Variants in METTL15 observed in about 807,000 individuals in gnomAD.
METTL15 encodes 12S rRNA N(4)-cytidine methyltransferase METTL15.
In METTL15, 34 loss-of-function variants were observed where a neutral mutation model predicts 38.3. The observed-to-expected ratio is 0.89, with a 90% CI of 0.68 to 1.18. The LOEUF is 1.18. METTL15 is among the 50% of genes most tolerant of loss of function. METTL15 has a pLI of 0.00. For synonymous variants in METTL15, 162 were observed against 170.9 expected (o/e 0.95, Z 0.41); for missense variants, 438 against 498.4 (o/e 0.88, Z 1.15).
chr11:28,461,073 T>G (rs1851209975), intron 6 of METTL15, among the ~76,000 whole-genome samples: 1 of 152,022 alleles, frequency 6.6e-6, no homozygotes, highest in Admixed American at 6.6e-5. Flanking sequence ...ATTTTCCTTT[T>G]TTTCCCAAGA....
rs537140954 is a variant in METTL15, at chr11:28,374,025, A to G, written c.*358+11989A>G. Among the ~76,000 whole-genome samples, 7 of 152,152 alleles carry G rather than the reference A, an allele frequency of 4.6e-5. No homozygotes were observed. The South Asian group carries it at 1.5e-3, about 32-fold the overall frequency. ...GCTCTGTTCTGTTCCATTGATCTGTATCTCTGTTTTGGTACCAGTGCCATG... is the reference window on the plus strand; with the variant it reads ...GCTCTGTTCTGTTCCATTGATCTGTGTCTCTGTTTTGGTACCAGTGCCATG... On this transcript the variant is annotated intron_variant and NMD_transcript_variant, in intron 5 of 7. Coordinates refer to the METTL15 transcript ENST00000532947.
chr11:28,227,250 G>T (rs1853519035), intron 4 of METTL15, among the ~76,000 whole-genome samples: 1 of 151,822 alleles, frequency 6.6e-6, no homozygotes, highest in South Asian at 2.1e-4. Context: ...AAGACCTATA[G>T]TCTGTGACTT....
chr11:28,183,133 C>T (rs1040234317), intron 3 of METTL15, among the ~76,000 whole-genome samples: 1 of 152,042 alleles, frequency 6.6e-6, no homozygotes, highest in African/African-American at 2.4e-5. Context: ...GCTGAAGTTG[C>T]TTATCAGTTT....
chr11:28,255,168 A>G (rs1167739812), intron 4 of METTL15, among the ~76,000 whole-genome samples: 2 of 152,098 alleles, frequency 1.3e-5, no homozygotes, highest in East Asian at 1.9e-4. Flanking sequence ...TTCTTTATAG[A>G]GATCTTTCAC....
chr11:28,398,138 G>A (rs994446270), intron 5 of METTL15, among the ~76,000 whole-genome samples: 10 of 151,142 alleles, frequency 6.6e-5, no homozygotes, highest in African/African-American at 2.2e-4. Context: ...ACCTAATTGT[G>A]CATCACACCA....
At position 28,390,661 on chromosome 11, in the gene METTL15, A is replaced by G. The variant is rs371355545; in HGVS notation, c.*358+28625A>G. Among the ~76,000 whole-genome samples the G allele has an allele frequency of 9.9e-5, 15 of 152,152 alleles. No individual in the cohort carries two copies. The East Asian group carries it at 1.2e-3, about 12-fold the overall frequency. ...GTAGTATAGTTTGAAGTCAGGTAGC[A>G]TGATGCCTCCAGCTTTGTTCTTGTG... On this transcript the variant is annotated intron_variant and NMD_transcript_variant, in intron 5 of 7. Coordinates refer to the METTL15 transcript ENST00000532947.
chr11:28,278,169 A>G (rs1855914227), intron 4 of METTL15, among the ~76,000 whole-genome samples: 1 of 152,028 alleles, frequency 6.6e-6, no homozygotes, highest in African/African-American at 2.4e-5. Context: ...CAAGCATTGT[A>G]TAGGCCTTAT....
chr11:28,185,302 T>C (rs1204772522), intron 3 of METTL15, among the ~76,000 whole-genome samples: 2 of 151,480 alleles, frequency 1.3e-5, no homozygotes, highest in African/African-American at 4.8e-5. Flanking sequence ...AGATTTTTTT[T>C]TAAACAATAT....
At chr11:28,298,862 AT>A (rs1219304025) in intron 6 of METTL15, among the ~76,000 whole-genome samples, 1 of 152,056 alleles carries the variant, frequency 6.6e-6, no homozygotes, top group African/African-American at 2.4e-5. Flanking sequence ...ATGTGTTTTC[AT>A]TTTGTGCTCA....
At chr11:28,468,590 T>C (rs1196181094) in intron 6 of METTL15, among the ~76,000 whole-genome samples, 3 of 152,180 alleles carry the variant, frequency 2.0e-5, no homozygotes, top group East Asian at 1.9e-4. Context: ...TTTAATAATA[T>C]ATACAGTCAT....
chr11:28,406,180 TC>T lies in METTL15; in HGVS notation c.*359-18118del, dbSNP rs200498185. Among the ~76,000 whole-genome samples the T allele has an allele frequency of 3.8e-3, 580 of 152,314 alleles. 6 individuals carry two copies. Among genetic ancestry groups the T allele is most frequent in the African/African-American group, 0.013 (540 of 41,566 alleles). On this transcript the variant is annotated intron_variant and NMD_transcript_variant, in intron 5 of 7. Transcript: ENST00000532947. ...GTAGTTTAATGGGAATAGCATTGATTCTATAAATTACTTTGGGCAGTATGGC... is the reference window on the plus strand; with the variant it reads ...GTAGTTTAATGGGAATAGCATTGATTTATAAATTACTTTGGGCAGTATGGC...
intron 6 of METTL15, among the ~76,000 whole-genome samples, chr11:28,460,225 C>A (rs901221571): frequency 3.3e-5 from 5 of 152,052 alleles, no homozygotes; most frequent in Non-Finnish European, 7.4e-5. Flanking sequence ...TATCCACAAT[C>A]CTTTATAAAT....
intron 4 of METTL15, among the ~76,000 whole-genome samples, chr11:28,227,866 A>G (rs1853544152): frequency 1.3e-5 from 2 of 151,820 alleles, no homozygotes; most frequent in Admixed American, 6.6e-5. Flanking sequence ...TTGGGCCTAG[A>G]TTTTTGTTTC....
intron 6 of METTL15, among the ~76,000 whole-genome samples, chr11:28,467,096 G>T (rs1174489486): frequency 6.6e-6 from 1 of 152,128 alleles, no homozygotes; most frequent in Non-Finnish European, 1.5e-5. Context: ...ATGATCATTA[G>T]CACAGTGTCA....
intron 4 of METTL15, among the ~76,000 whole-genome samples, chr11:28,353,402 G>A (rs1850058999): frequency 6.6e-6 from 1 of 152,148 alleles, no homozygotes; most frequent in South Asian, 2.1e-4. Flanking sequence ...TCAAAATTTC[G>A]AAGGGTGTGC....
In METTL15 at chr11:28,374,609, A is replaced by G. The variant is rs1850284672; in HGVS notation, c.*358+12573A>G. 2.1e-5 allele frequency among the ~76,000 whole-genome samples: 3 copies of G among 139,736 alleles called. No homozygotes were observed. The South Asian group carries it at 7.4e-4, about 35-fold the overall frequency. The allele number at this position is 139,736 out of a possible 152,430, so 91.7% of individuals were successfully genotyped here. On this transcript the variant is annotated intron_variant and NMD_transcript_variant, in intron 5 of 7. Transcript: ENST00000532947. ...CTAGATATACAATCATGTCATCTGC[A>G]AACAGGGACAATTTGACTTCCTCTT...
intron 4 of METTL15, among the ~76,000 whole-genome samples, chr11:28,248,476 G>A (rs1854604766): frequency 6.6e-6 from 1 of 152,024 alleles, no homozygotes; most frequent in Non-Finnish European, 1.5e-5. Context: ...CAGGCCAGTG[G>A]ATAACTCTGC....
intron 6 of METTL15, among the ~76,000 whole-genome samples, chr11:28,440,449 T>C (rs1851024676): frequency 6.6e-6 from 1 of 152,228 alleles, no homozygotes; most frequent in Non-Finnish European, 1.5e-5. Flanking sequence ...CATAAGTCTT[T>C]ATATAAATTA....
At chr11:28,127,983 T>G (rs1852566951) in intron 3 of METTL15, among the ~76,000 whole-genome samples, 1 of 152,138 alleles carries the variant, frequency 6.6e-6, no homozygotes, top group Non-Finnish European at 1.5e-5. Flanking sequence ...TTACCACCAT[T>G]CAGAGACTGG....
Sources: gnomAD v4.1 joint callset for allele counts (sites outside exome capture counted in the v4.1 genomes callset) on GRCh38, gnomAD v4.1.1 for gene constraint, MANE v1.5 for transcripts, NCBI Gene and HGNC (gene_info 2026-07-23, HGNC 2026-07-21) for gene names.